THRB: variants seen among roughly 807,000 people sequenced by gnomAD.
The protein encoded by THRB is nuclear receptor subfamily 1 group A member 2.
Under a neutral mutation model 47.8 loss-of-function variants are expected in THRB, and 12 were observed. The observed-to-expected ratio is 0.25, with a 90% CI of 0.16 to 0.41. The LOEUF (loss-of-function observed/expected upper bound fraction) is 0.41. THRB is among the 10% of genes least tolerant of loss of function. The pLI is 1.00. For missense variants in THRB, 348 were observed against 589.2 expected (o/e 0.59, Z 4.24); for synonymous variants, 218 against 212.2 (o/e 1.03, Z -0.24).
At chr3:24,231,134 AGCTGG>A in intron 3 of THRB, among the ~76,000 whole-genome samples, 1 of 152,198 alleles carries the variant, frequency 6.6e-6, no homozygotes, top group Non-Finnish European at 1.5e-5. Context: ...TTTTACAATA[AGCTGG>A]TTTGACTTAG....
intron 3 of THRB, among the ~76,000 whole-genome samples, chr3:24,273,597 T>C (rs1036581425): frequency 2.6e-5 from 4 of 152,256 alleles, no homozygotes; most frequent in Non-Finnish European, 5.9e-5. Flanking sequence ...AGAAAGTTTT[T>C]TCATAACTTA....
intron 3 of THRB, among the ~76,000 whole-genome samples, chr3:24,275,423 G>T (rs2053811129): frequency 6.6e-6 from 1 of 152,154 alleles, no homozygotes; most frequent in Non-Finnish European, 1.5e-5. Context: ...AAAATTCTCT[G>T]CTTTGAGGGG....
chr3:24,170,785 C>A (rs1323509973), intron 5 of THRB, among the ~76,000 whole-genome samples: 1 of 151,730 alleles, frequency 6.6e-6, no homozygotes, highest in African/African-American at 2.4e-5. Flanking sequence ...CCCTGACACT[C>A]TTCATATACA....
At chr3:24,142,810 A>G (rs1382194198) in intron 8 of THRB, among the ~76,000 whole-genome samples, 1 of 152,212 alleles carries the variant, frequency 6.6e-6, no homozygotes, top group African/African-American at 2.4e-5. Context: ...CTTGGTTTGC[A>G]TGTCTGTAAA....
rs1289481409 is a variant in THRB at position 24,117,382 on chromosome 3, T to TA, written c.*5501dup. 2 of 152,216 alleles carry TA rather than the reference T, an allele frequency of 1.3e-5. No individual in the cohort carries two copies. Among genetic ancestry groups the TA allele is most frequent in the African/African-American group, 4.8e-5 (2 of 41,452 alleles). The allele number at this position is 152,216 out of a possible 1,614,324, so 9.4% of individuals were successfully genotyped here. On this transcript the variant is annotated 3_prime_UTR_variant, in exon 11 of 11. Coordinates refer to ENST00000646209, the MANE Select transcript of THRB (RefSeq NM_001354712.2). ...TCATCTTGCCTCAACTCTCAGTCCA[T>TA]AGTTTAGATGAAGCTGACTGTCCCT...
intron 1 of THRB, chr3:24,486,323 T>G (rs1377190448): frequency 6.6e-6 from 1 of 152,232 alleles, no homozygotes; most frequent in African/African-American, 2.4e-5. Context: ...TCCTGTAGAT[T>G]GCCCCAGAAG....
At chr3:24,130,891 T>C (rs1408835682) in intron 9 of THRB, among the ~76,000 whole-genome samples, 1 of 152,152 alleles carries the variant, frequency 6.6e-6, no homozygotes, top group African/African-American at 2.4e-5. Flanking sequence ...TAAAAACAGA[T>C]AACAGAATTT....
chr3:24,243,966 G>A (rs1198660035), intron 3 of THRB, among the ~76,000 whole-genome samples: 1 of 152,100 alleles, frequency 6.6e-6, no homozygotes, highest in South Asian at 2.1e-4. Context: ...AGATTTTGAG[G>A]AAACACTTAT....
At chr3:24,263,854 C>T (rs1296714562) in intron 3 of THRB, among the ~76,000 whole-genome samples, 2 of 152,076 alleles carry the variant, frequency 1.3e-5, no homozygotes, top group African/African-American at 4.8e-5. Context: ...TATTAATGGA[C>T]AGTTGATACT....
chr3:24,455,384 T>A (rs993270169), intron 1 of THRB: 1 of 152,186 alleles, frequency 6.6e-6, no homozygotes, highest in Non-Finnish European at 1.5e-5. Flanking sequence ...GGCTTTGAGA[T>A]CCTGAGAGGT....
intron 5 of THRB, among the ~76,000 whole-genome samples, chr3:24,179,766 T>C (rs991624673): frequency 1.3e-5 from 2 of 152,202 alleles, no homozygotes; most frequent in African/African-American, 4.8e-5. Context: ...GGGGGTCAGA[T>C]TGATTTGCAT....
chr3:24,178,581 C>T (rs1050116726), intron 5 of THRB, among the ~76,000 whole-genome samples: 3 of 152,166 alleles, frequency 2.0e-5, no homozygotes, highest in African/African-American at 7.2e-5. Flanking sequence ...AATATTTCTT[C>T]AATGGTGTGA....
intron 1 of THRB, among the ~76,000 whole-genome samples, chr3:24,350,301 C>A (rs1208929227): frequency 2.0e-5 from 3 of 152,068 alleles, no homozygotes; most frequent in Non-Finnish European, 4.4e-5. Context: ...TCTATAATAT[C>A]TCCTAAAGCT....
At chr3:24,237,277 A>G (rs1374471892) in intron 3 of THRB, among the ~76,000 whole-genome samples, 1 of 152,220 alleles carries the variant, frequency 6.6e-6, no homozygotes, top group African/African-American at 2.4e-5. Context: ...TGGCAAAGCT[A>G]TACTTTTCAT....
intron 3 of THRB, among the ~76,000 whole-genome samples, chr3:24,261,220 C>G (rs965767783): frequency 8.9e-6 from 1 of 112,672 alleles, no homozygotes; most frequent in African/African-American, 4.5e-5. Flanking sequence ...ATACATCTCT[C>G]GGCCAGGCGC....
intron 1 of THRB, among the ~76,000 whole-genome samples, chr3:24,397,104 A>T (rs1202302295): frequency 3.9e-5 from 6 of 152,148 alleles, no homozygotes; most frequent in Non-Finnish European, 8.8e-5. Context: ...ATTTAAATTC[A>T]GTTTAGTGAC....
chr3:24,383,724 G>A (rs1470113470), intron 1 of THRB, among the ~76,000 whole-genome samples: 14 of 152,162 alleles, frequency 9.2e-5, no homozygotes, highest in Admixed American at 6.5e-4. Flanking sequence ...ATTCTTCTGC[G>A]TGTTTGTATA....
intron 1 of THRB, among the ~76,000 whole-genome samples, chr3:24,357,367 AAAAAAAAC>A (rs2063752590): frequency 2.0e-5 from 3 of 146,692 alleles, no homozygotes; most frequent in African/African-American, 5.1e-5. Flanking sequence ...AAAAAAAAAA[AAAAAAAAC>A]AAAAAACAAA....
chr3:24,295,268 G>A (rs2056347404), intron 3 of THRB, among the ~76,000 whole-genome samples: 1 of 152,206 alleles, frequency 6.6e-6, no homozygotes, highest in African/African-American at 2.4e-5. Flanking sequence ...AAGATGGTAA[G>A]TGATAGCCCT....
Sources: gnomAD v4.1 joint callset for allele counts (sites outside exome capture counted in the v4.1 genomes callset) on GRCh38, gnomAD v4.1.1 for gene constraint, MANE v1.5 for transcripts, NCBI Gene and HGNC (gene_info 2026-07-23, HGNC 2026-07-21) for gene names.